The following TIAM2 variants were observed in gnomAD, a reference collection of about 807,000 sequenced individuals.
TIAM2 encodes the protein TIAM Rac1 associated GEF 2, also known as rho guanine nucleotide exchange factor TIAM2.
A neutral mutation model predicts 152.9 loss-of-function variants in TIAM2; 80 were observed. The observed-to-expected ratio is 0.52, with a 90% CI of 0.44 to 0.63. The LOEUF (loss-of-function observed/expected upper bound fraction) is 0.63. Ranked by LOEUF, TIAM2 falls within the 30% of genes least tolerant of loss-of-function variation. The pLI, the probability that TIAM2 is intolerant of heterozygous loss-of-function variation, is 0.00. For synonymous variants in TIAM2, 804 were observed against 838.0 expected, an observed-to-expected ratio of 0.96 and a Z score of 0.70; for missense variants, 1,965 against 2,120.1, an observed-to-expected ratio of 0.93 and a Z score of 1.44.
At chr6:155,089,753 G>T (rs1408831433) in intron 1 of TIAM2, among the ~76,000 whole-genome samples, 1 of 152,126 alleles carries the variant, frequency 6.6e-6, no homozygotes, top group Admixed American at 6.6e-5. Flanking sequence ...TATTGACTCT[G>T]CATTGCCTGT....
intron 15 of TIAM2, among the ~76,000 whole-genome samples, chr6:155,240,218 C>T (rs1782962371): frequency 6.6e-6 from 1 of 152,246 alleles, no homozygotes; most frequent in Non-Finnish European, 1.5e-5. Flanking sequence ...AGAGCTACCT[C>T]ACCTTGACTG....
intron 2 of TIAM2, among the ~76,000 whole-genome samples, chr6:155,094,730 T>TTTTTTTTG (rs913108742): frequency 1.4e-5 from 2 of 143,204 alleles, no homozygotes; most frequent in East Asian, 2.0e-4. Flanking sequence ...TATGGTTTTT[T>TTTTTTTTG]TTTTTTTGTT....
intron 2 of TIAM2, among the ~76,000 whole-genome samples, chr6:155,124,163 T>C (rs141041048): frequency 3.3e-5 from 5 of 150,766 alleles, no homozygotes; most frequent in African/African-American, 1.2e-4. Context: ...GGATTACAGG[T>C]GTGTGCCCTC....
At chr6:155,108,512 A>C (rs1198177448) in intron 2 of TIAM2, among the ~76,000 whole-genome samples, 1 of 152,206 alleles carries the variant, frequency 6.6e-6, no homozygotes, top group Non-Finnish European at 1.5e-5. Context: ...GAAGAACTTA[A>C]TGACTCAAAT....
chr6:155,248,356 G>A (rs530928740), intron 20 of TIAM2, among the ~76,000 whole-genome samples, 177 bp downstream of exon 20: 16 of 152,354 alleles, frequency 1.1e-4, no homozygotes, highest in Admixed American at 8.5e-4. Context: ...CTAGCTAGGC[G>A]TCTGGGCACT....
At chr6:155,153,170 C>T (rs752513031) in intron 7 of TIAM2, among the ~76,000 whole-genome samples, 12 of 152,108 alleles carry the variant, frequency 7.9e-5, no homozygotes, top group Non-Finnish European at 1.6e-4. Context: ...TCTCCCCTCC[C>T]CATAGCCCAG....
chr6:155,169,577 G>C (rs1008254602), intron 9 of TIAM2, among the ~76,000 whole-genome samples: 1 of 152,090 alleles, frequency 6.6e-6, no homozygotes, highest in African/African-American at 2.4e-5. Flanking sequence ...TTCCTCTCAG[G>C]GTTGTCAGGG....
rs147313642 is a variant in TIAM2 at position 155,137,325 on chromosome 6, C to T, written c.1343C>T (p.Ala448Val). The change falls in exon 5 of 27, where the codon GCG becomes GTG. Residue 448 changes from alanine to valine, a missense_variant. Physicochemically the swap from Ala to Val is moderately conservative, Grantham distance 64. Transcript: ENST00000682666. ...ILSQRSESTH[A>V]IGSDPLRQNI... ...TCTCAGAGAAGTGAATCCACACATG[C>T]GATTGGCAGCGATCCCCTCCGGCAG... 35 of 1,614,076 alleles carry T rather than the reference C, an allele frequency of 2.2e-5. No individual in the cohort carries two copies. The highest frequency in any genetic ancestry group is 1.6e-4 in the Middle Eastern group (1 of 6,084).
Position 155,254,404 on chromosome 6 carries a change from T to TC in TIAM2, c.4314-7dup, listed in dbSNP as rs201028845. 424 of 1,603,344 alleles carry TC rather than the reference T, an allele frequency of 2.6e-4. No homozygotes were observed. The highest frequency in any genetic ancestry group is 2.2e-3 in the African/African-American group (164 of 74,528). The stretch of plus-strand genomic sequence containing the variant: ...CTGTGGACACTTCTGCTGTTTTCTC[T>TC]CCCCCCCCACCCAGTGACAGTGAAA... On this transcript the variant is annotated splice_polypyrimidine_tract_variant and intron_variant, in intron 25 of 26. Coordinates refer to ENST00000682666, the MANE Select transcript of TIAM2 (RefSeq NM_012454.4).
At chr6:155,142,352 G>A (rs1025238989) in intron 5 of TIAM2, among the ~76,000 whole-genome samples, 1 of 152,186 alleles carries the variant, frequency 6.6e-6, no homozygotes, top group East Asian at 1.9e-4. Flanking sequence ...AAGTTAGAGC[G>A]GTAGTCTGTT....
At chr6:155,005,246 T>C (rs1778379248) in intron 1 of TIAM2, 1 of 227,508 alleles carries the variant, frequency 4.4e-6, no homozygotes, top group South Asian at 8.1e-5. Context: ...AGGAATTCCG[T>C]CTGGAAGCAG....
chr6:155,001,886 A>G (rs1778317743), intron 1 of TIAM2, among the ~76,000 whole-genome samples: 1 of 152,238 alleles, frequency 6.6e-6, no homozygotes, highest in South Asian at 2.1e-4. Flanking sequence ...GGCTTAATAA[A>G]TAAGCTTGCA....
chr6:155,077,874 A>G (rs1777991392), intron 1 of TIAM2, among the ~76,000 whole-genome samples: 1 of 152,178 alleles, frequency 6.6e-6, no homozygotes, highest in South Asian at 2.1e-4. Context: ...TGGCCTATTG[A>G]TTCATGTGGC....
chr6:155,115,446 G>A (rs759276963), intron 2 of TIAM2, among the ~76,000 whole-genome samples: 25 of 151,836 alleles, frequency 1.6e-4, no homozygotes, highest in Admixed American at 3.9e-4. Flanking sequence ...CCCAGGAGTT[G>A]AAAATCAGCC....
chr6:155,028,702 G>T, intron 1 of TIAM2, among the ~76,000 whole-genome samples: 1 of 118,196 alleles, frequency 8.5e-6, no homozygotes, highest in Non-Finnish European at 1.6e-5. Flanking sequence ...TATATATACT[G>T]TGTTATATAT....
rs1401578993 is a variant in TIAM2 at position 154,995,695 on chromosome 6, A to C, written c.-209+203A>C. On this transcript the variant is annotated intron_variant, in intron 1 of 26. Coordinates refer to ENST00000682666, the MANE Select transcript of TIAM2 (RefSeq NM_012454.4). This position sits in a 1 kb window ranked among gnomAD's most constrained non-coding sequence, Gnocchi z 5.2. ...GCGCGGCCTGGCACCCTCTCCCCGG[A>C]GGGCGGCAGCGTCCGGGCACAGCCT... Among the ~76,000 whole-genome samples, 1 of 151,926 alleles carries C rather than the reference A, an allele frequency of 6.6e-6. No individual in the cohort carries two copies. The highest frequency in any genetic ancestry group is 6.5e-5 in the Admixed American group (1 of 15,282).
intron 1 of TIAM2, among the ~76,000 whole-genome samples, chr6:155,061,922 G>T (rs1270696399): frequency 6.6e-6 from 1 of 152,190 alleles, no homozygotes; most frequent in African/African-American, 2.4e-5. Flanking sequence ...CCACCACAGT[G>T]CTGTACTGAA....
At chr6:155,006,927 G>A (rs1562287928) in intron 1 of TIAM2, among the ~76,000 whole-genome samples, 4 of 152,112 alleles carry the variant, frequency 2.6e-5, no homozygotes, top group Admixed American at 6.5e-5. Context: ...TTGACCTCAA[G>A]TGATCCACTT....
Position 155,130,369 on chromosome 6 carries a change from G to C in TIAM2, c.1146G>C (p.Arg382=), listed in dbSNP as rs759237326. The part of the protein sequence containing the change: ...KKDSLKARMR[R]ISDWTGSLSR... Reference sequence around the variant, plus strand: ...ACTCCCTCAAAGCCAGGATGCGACGGATCAGTGACTGGACGGGAAGCCTCT... The same window carrying C: ...ACTCCCTCAAAGCCAGGATGCGACGCATCAGTGACTGGACGGGAAGCCTCT... Residue 382 remains arginine, a synonymous_variant, in exon 4 of 27, where the codon CGG becomes CGC. Coordinates refer to ENST00000682666, the MANE Select transcript of TIAM2 (RefSeq NM_012454.4). 6.2e-7 allele frequency: 1 copy of C among 1,614,020 alleles called. No individual in the cohort carries two copies. The highest frequency in any genetic ancestry group is 1.1e-5 in the South Asian group (1 of 91,080).
Sources: allele counts gnomAD v4.1 joint callset (sites outside exome capture counted in the v4.1 genomes callset), GRCh38; gene constraint gnomAD v4.1.1; non-coding constraint Gnocchi (gnomAD v3.1); transcripts MANE v1.5; gene names NCBI Gene and HGNC (gene_info 2026-07-23, HGNC 2026-07-21).